Variants in EXPH5 observed in about 807,000 individuals in gnomAD.
EXPH5 encodes the protein exophilin-5.
EXPH5 carries 42 observed loss-of-function variants against 41.1 expected under a neutral mutation model. That is an observed-to-expected ratio of 1.02 (90% confidence interval 0.80 to 1.32). The LOEUF (loss-of-function observed/expected upper bound fraction) is 1.32. Ranked by LOEUF, EXPH5 falls within the 40% of genes most tolerant of loss-of-function variation. EXPH5 has a pLI of 0.00. For missense variants in EXPH5, 2,298 were observed against 2,314.5 expected (o/e 0.99, Z 0.15); for synonymous variants, 798 against 833.5 (o/e 0.96, Z 0.73).
chr11:108,508,206 CA>C lies in EXPH5; in HGVS notation c.*1330del, dbSNP rs1157649363. ...AAACAAAAACAAAAACAAAACAAAA[CA>C]AAAAAAGACTGGGCATGGTAGCTCA... is the stretch of plus-strand genomic sequence containing the variant. On this transcript the variant is annotated 3_prime_UTR_variant, in exon 6 of 6. Coordinates refer to ENST00000265843, the MANE Select transcript of EXPH5 (RefSeq NM_015065.3). 2.0e-5 allele frequency: 3 copies of C among 151,104 alleles called. No individual in the cohort carries two copies. The highest frequency in any genetic ancestry group is 2.9e-5 in the Non-Finnish European group (2 of 68,112). 9.4% of individuals were successfully genotyped at this position (151,104 alleles called of 1,614,324 possible).
chr11:108,589,831 C>T (rs186593450), intron 1 of EXPH5, among the ~76,000 whole-genome samples: 4 of 152,080 alleles, frequency 2.6e-5, no homozygotes, highest in Non-Finnish European at 5.9e-5. Flanking sequence ...ACAAAATACT[C>T]GACCTTTTTT....
Position 108,509,655 on chromosome 11 carries a change from G to A in EXPH5, c.5852C>T (p.Ser1951Phe), listed in dbSNP as rs141630986. Residue 1951 changes from serine to phenylalanine, a missense_variant, in exon 6 of 6, where the codon TCT becomes TTT. Physicochemically the swap from Ser to Phe is radical, Grantham distance 155. Transcript: ENST00000265843. ...ATAGATATTAAGCGGTTCACTTGGA[G>A]ATAAGCCATCTTCTGGCACCTGACT... ...PSSQVPEDGL[S>F]PSEPLNIYED... 28 of 1,613,892 alleles carry A rather than the reference G, an allele frequency of 1.7e-5. No individual in the cohort carries two copies. In the African/African-American group the frequency reaches 2.3e-4, roughly 13 times the overall value.
intron 1 of EXPH5, among the ~76,000 whole-genome samples, chr11:108,584,212 A>C (rs938640744): frequency 6.6e-6 from 1 of 152,228 alleles, no homozygotes; most frequent in Non-Finnish European, 1.5e-5. Flanking sequence ...ACAGTGGCTC[A>C]CACTTATAAT....
chr11:108,564,857 C>T (rs2094027867), intron 1 of EXPH5, among the ~76,000 whole-genome samples: 1 of 147,098 alleles, frequency 6.8e-6, no homozygotes, highest in Non-Finnish European at 1.5e-5. Flanking sequence ...TCTTTGATTA[C>T]TAGAGAGGTT....
chr11:108,548,354 C>G (rs1275002908), intron 1 of EXPH5, among the ~76,000 whole-genome samples: 1 of 151,838 alleles, frequency 6.6e-6, no homozygotes, highest in Non-Finnish European at 1.5e-5. Flanking sequence ...ATAAATAATC[C>G]ATGGATATGT....
At chr11:108,589,782 G>T (rs1347234617) in intron 1 of EXPH5, among the ~76,000 whole-genome samples, 1 of 152,186 alleles carries the variant, frequency 6.6e-6, no homozygotes, top group Non-Finnish European at 1.5e-5. Context: ...TTTTGAAATA[G>T]ATCTGGATTA....
At chr11:108,530,531 A>T (rs1474010401) in intron 3 of EXPH5, among the ~76,000 whole-genome samples, 3 of 151,810 alleles carry the variant, frequency 2.0e-5, no homozygotes, top group African/African-American at 7.3e-5. Flanking sequence ...GCTTGGGCAC[A>T]GCAAGGGAGG....
chr11:108,525,344 G>A (rs969973523), intron 4 of EXPH5, among the ~76,000 whole-genome samples: 12 of 152,218 alleles, frequency 7.9e-5, no homozygotes, highest in African/African-American at 2.7e-4. Context: ...TAAGGGTACA[G>A]AGCTGGCAGT....
At chr11:108,603,093 CT>C in the EXPH5 span, among the ~76,000 whole-genome samples, 1 of 152,156 alleles carries the variant, frequency 6.6e-6, no homozygotes, top group Non-Finnish European at 1.5e-5. Context: ...AAAGACCTCT[CT>C]TTTCCCTTTG....
At chr11:108,573,823 T>C (rs1372289288) in intron 1 of EXPH5, among the ~76,000 whole-genome samples, 1 of 152,170 alleles carries the variant, frequency 6.6e-6, no homozygotes, top group Non-Finnish European at 1.5e-5. Flanking sequence ...AGCAGGAGGA[T>C]CACTTGAGGC....
At position 108,511,813 on chromosome 11, in the gene EXPH5, T is replaced by C. The variant is rs764566700; in HGVS notation, c.3694A>G (p.Thr1232Ala). ...TCACCAGAAACAGAAAACGTACTAG[T>C]CGTCTTAACTTTATGTAATGTTTTC... The part of the protein sequence containing the change: ...RGKTLHKVKT[T>A]STFSVSGDED... The change falls in exon 6 of 6, where the codon ACT (threonine) becomes GCT (alanine). Residue 1232 changes from threonine to alanine, a missense_variant. Transcript: ENST00000265843. The C allele has an allele frequency of 1.2e-6, 2 of 1,603,030 alleles. No homozygotes were observed. Among genetic ancestry groups the C allele is most frequent in the Non-Finnish European group, 1.7e-6 (2 of 1,177,190 alleles).
rs184465433 is a variant in EXPH5, at chr11:108,573,965, G to A, written c.119+19453C>T. 2.1e-3 allele frequency among the ~76,000 whole-genome samples: 317 copies of A among 152,014 alleles called. 1 individual carries two copies. Among genetic ancestry groups the A allele is most frequent in the African/African-American group, 7.1e-3 (294 of 41,472 alleles). ...TGCCCAGGCTGGAGTGTAGTGGCACGATCTCGGCTCACTGCAAGCTCCGCC... is the reference window on the plus strand; with the variant it reads ...TGCCCAGGCTGGAGTGTAGTGGCACAATCTCGGCTCACTGCAAGCTCCGCC... On this transcript the variant is annotated intron_variant, in intron 1 of 5. Coordinates refer to ENST00000265843, the MANE Select transcript of EXPH5 (RefSeq NM_015065.3).
intron 4 of EXPH5, among the ~76,000 whole-genome samples, chr11:108,527,090 C>T (rs550964194): frequency 1.2e-4 from 19 of 152,042 alleles, no homozygotes; most frequent in Non-Finnish European, 2.2e-4. Flanking sequence ...GAAGCTGAGG[C>T]GGGAGGATCT....
intron 4 of EXPH5, 102 bp downstream of exon 4, chr11:108,528,034 T>G: frequency 1.4e-6 from 1 of 721,970 alleles, no homozygotes. Context: ...TAAAATAAAT[T>G]TAAAACTGAG....
intron 1 of EXPH5, among the ~76,000 whole-genome samples, chr11:108,581,759 TAAAAAGG>T (rs1203841874): frequency 6.6e-6 from 1 of 151,638 alleles, no homozygotes; most frequent in Non-Finnish European, 1.5e-5. Flanking sequence ...TTAACACGAC[TAAAAAGG>T]AAAAACAGGG....
chr11:108,598,004 T>C (rs1488326252), upstream of EXPH5, among the ~76,000 whole-genome samples: 3 of 151,834 alleles, frequency 2.0e-5, no homozygotes, highest in Non-Finnish European at 2.9e-5. Flanking sequence ...TGCATAGAGG[T>C]TAAAAAATAA....
In EXPH5 at chr11:108,510,778, T is replaced by C. The variant is rs767062188; in HGVS notation, c.4729A>G (p.Thr1577Ala). The C allele has an allele frequency of 6.2e-7, 1 of 1,613,992 alleles. No individual in the cohort carries two copies. Among genetic ancestry groups the C allele is most frequent in the East Asian group, 2.2e-5 (1 of 44,882 alleles). The change falls in exon 6 of 6, where the codon ACC becomes GCC. Residue 1577 changes from threonine to alanine, a missense_variant. Thr to Ala is a moderately conservative substitution (Grantham distance 58). Transcript: ENST00000265843. ...CCCTTTACTAGGTCATCCAAGTTGGTTTTATTTTTGTTTCCTTCAGGAAGT... is the reference window on the plus strand; with the variant it reads ...CCCTTTACTAGGTCATCCAAGTTGGCTTTATTTTTGTTTCCTTCAGGAAGT... Reference protein sequence around the residue: ...PSLPEGNKNKTNLDDLVKGEN... With the variant: ...PSLPEGNKNKANLDDLVKGEN...
Position 108,510,429 on chromosome 11 carries a change from T to C in EXPH5, c.5078A>G (p.Asn1693Ser), listed in dbSNP as rs1591658118. The C allele has an allele frequency of 1.2e-5, 19 of 1,614,068 alleles. No individual in the cohort carries two copies. In the East Asian group the frequency reaches 4.2e-4, roughly 36 times the overall value. The change falls in exon 6 of 6, where the codon AAC becomes AGC. Residue 1693 changes from asparagine (N) to serine (S), a missense_variant. Transcript: ENST00000265843. ...PSTHVSNQKS[N>S]SISQRHQNEF... ...ATTCTGATGTCGTTGTGAAATGCTG[T>C]TAGACTTCTGGTTGCTGACGTGTGT...
intron 3 of EXPH5, among the ~76,000 whole-genome samples, chr11:108,536,751 C>G (rs372783663): frequency 4.1e-4 from 62 of 152,238 alleles, no homozygotes; most frequent in African/African-American, 1.4e-3. Flanking sequence ...TTATCCAGTG[C>G]ATTTCTCAGT....
Sources: allele counts gnomAD v4.1 joint callset (sites outside exome capture counted in the v4.1 genomes callset), GRCh38; gene constraint gnomAD v4.1.1; transcripts MANE v1.5; gene names NCBI Gene and HGNC (gene_info 2026-07-23, HGNC 2026-07-21).